Variants in DTHD1 observed in about 807,000 individuals in gnomAD.
DTHD1 encodes the protein death domain containing 1.
A neutral mutation model predicts 74.8 loss-of-function variants in DTHD1; 59 were observed. The ratio of observed to expected loss-of-function variants is 0.79; its 90% CI spans 0.64 to 0.98. The LOEUF (loss-of-function observed/expected upper bound fraction) is 0.98. DTHD1 is among the 50% of genes least tolerant of loss of function. The pLI is 0.00. For missense variants in DTHD1, 1,051 were observed against 1,065.4 expected, an observed-to-expected ratio of 0.99 and a Z score of 0.19; for synonymous variants, 365 against 371.1, an observed-to-expected ratio of 0.98 and a Z score of 0.19.
rs970581398 is a variant in DTHD1, at chr4:36,284,037, A to C, written c.333A>C (p.Ala111=). ...KITEHLGSTA[A]LLKKEEKEIC... ...CTGAACATTTGGGGAGCACTGCTGCACTTCTAAAGAAAGAAGAAAAGGAGA... is the reference window on the plus strand; with the variant it reads ...CTGAACATTTGGGGAGCACTGCTGCCCTTCTAAAGAAAGAAGAAAAGGAGA... Residue 111 remains alanine (A), a synonymous_variant, in exon 2 of 10, where the codon GCA becomes GCC. Coordinates refer to ENST00000639862, the MANE Select transcript of DTHD1 (RefSeq NM_001170700.3). 4.6e-6 allele frequency: 7 copies of C among 1,537,198 alleles called. No homozygotes were observed. The highest frequency in any genetic ancestry group is 4.4e-6 in the Non-Finnish European group (5 of 1,146,862).
In DTHD1 at chr4:36,344,925, T is replaced by TA. The variant is rs1759513558; in HGVS notation, c.*1108dup. 6.6e-6 allele frequency: 1 copy of TA among 152,120 alleles called. No individual in the cohort carries two copies. The highest frequency in any genetic ancestry group is 2.4e-5 in the African/African-American group (1 of 41,438). The allele number at this position is 152,120 out of a possible 1,614,324, so 9.4% of individuals were successfully genotyped here. ...TGATGTCGGTGGTAGTAACTCACTT[T>TA]AAAAAAACCTTTCTAAGCTCGAAAT... On this transcript the variant is annotated 3_prime_UTR_variant, in exon 10 of 10. Coordinates refer to ENST00000639862, the MANE Select transcript of DTHD1 (RefSeq NM_001170700.3).
At chr4:36,298,670 GT>G (rs1161084747) in intron 5 of DTHD1, among the ~76,000 whole-genome samples, 2 of 152,158 alleles carry the variant, frequency 1.3e-5, no homozygotes, top group Admixed American at 1.3e-4. Context: ...TGAAAGGTCT[GT>G]ATTGTGTTAT....
intron 8 of DTHD1, among the ~76,000 whole-genome samples, chr4:36,337,224 G>C (rs868243989): frequency 9.9e-5 from 15 of 152,096 alleles, no homozygotes; most frequent in Admixed American, 2.6e-4. Context: ...AGGCAACGTA[G>C]AAAATCCTTT....
In DTHD1 at chr4:36,340,928, A is replaced by G. The variant is rs746797461; in HGVS notation, c.2398+1759A>G. Among the ~76,000 whole-genome samples, 8 of 152,114 alleles carry G rather than the reference A, an allele frequency of 5.3e-5. No individual in the cohort carries two copies. The South Asian group carries it at 6.2e-4, about 12-fold the overall frequency. On this transcript the variant is annotated intron_variant, in intron 9 of 9. Coordinates refer to ENST00000639862, the MANE Select transcript of DTHD1 (RefSeq NM_001170700.3). ...GAAGGAAGACAGCTGGCAAAGGGCAAGAGAGGAAAGAGGAGAAGCAGGGGA... is the reference window on the plus strand; with the variant it reads ...GAAGGAAGACAGCTGGCAAAGGGCAGGAGAGGAAAGAGGAGAAGCAGGGGA...
chr4:36,320,032 G>A (rs1221008911), intron 8 of DTHD1, among the ~76,000 whole-genome samples: 1 of 152,150 alleles, frequency 6.6e-6, no homozygotes, highest in Non-Finnish European at 1.5e-5. Flanking sequence ...CCTTATCACT[G>A]TAGTTACCAT....
intron 8 of DTHD1, among the ~76,000 whole-genome samples, chr4:36,331,992 G>C (rs1034334588): frequency 6.6e-6 from 1 of 151,970 alleles, no homozygotes; most frequent in Non-Finnish European, 1.5e-5. Context: ...TTAAAAATAC[G>C]GCATTCTGGC....
intron 5 of DTHD1, among the ~76,000 whole-genome samples, chr4:36,298,044 C>A (rs1560792592): frequency 1.3e-5 from 2 of 150,878 alleles, no homozygotes; most frequent in Admixed American, 1.3e-4. Context: ...GAATAAGCCA[C>A]TTTTTTTTTG....
chr4:36,290,613 C>G lies in DTHD1; in HGVS notation c.1128C>G (p.Tyr376Ter). ...IPFTARYRGN[Y>*]RDIMVKVCDI... Reference sequence around the variant, plus strand: ...TTACTGCACGTTACAGAGGAAATTACAGAGATATCATGGTGAAAGTGTGTG... The same window carrying G: ...TTACTGCACGTTACAGAGGAAATTAGAGAGATATCATGGTGAAAGTGTGTG... The change falls in exon 3 of 10, where the codon TAC becomes TAG. Residue 376 changes from tyrosine to a stop codon, truncating the protein, a stop_gained. Transcript: ENST00000639862. LOFTEE classifies it high-confidence loss of function. 2 of 1,550,526 alleles carry G rather than the reference C, an allele frequency of 1.3e-6. No homozygotes were observed. Among genetic ancestry groups the G allele is most frequent in the African/African-American group, 1.4e-5 (1 of 73,150 alleles).
At chr4:36,325,617 A>C (rs1758298068) in intron 8 of DTHD1, among the ~76,000 whole-genome samples, 1 of 152,208 alleles carries the variant, frequency 6.6e-6, no homozygotes, top group Non-Finnish European at 1.5e-5. Context: ...TCAGGATTTG[A>C]GATCAACAGG....
At chr4:36,314,404 GGCT>G (rs1757577745) in intron 7 of DTHD1, among the ~76,000 whole-genome samples, 1 of 151,912 alleles carries the variant, frequency 6.6e-6, no homozygotes, top group African/African-American at 2.4e-5. Flanking sequence ...CAGGTGCGGT[GGCT>G]CATGCCTGTA....
chr4:36,342,065 G>GT (rs1759342234), intron 9 of DTHD1, among the ~76,000 whole-genome samples: 2 of 152,226 alleles, frequency 1.3e-5, no homozygotes, highest in African/African-American at 4.8e-5. Flanking sequence ...TGTCATTGGA[G>GT]TTGACAAAAT....
Position 36,290,570 on chromosome 4 carries a change from T to C in DTHD1, c.1085T>C (p.Ile362Thr), listed in dbSNP as rs777500108. The change falls in exon 3 of 10, where the codon ATA becomes ACA. Residue 362 changes from isoleucine to threonine, a missense_variant. Ile to Thr is a moderately conservative substitution (Grantham distance 89). Coordinates refer to ENST00000639862, the MANE Select transcript of DTHD1 (RefSeq NM_001170700.3). ...AAGGAAAAGAGAGTTCCATTTCCAA[T>C]AGGCATTGCAATTCCATTTACTGCA... Reference protein sequence around the residue: ...SDKEKRVPFPIGIAIPFTARY... With the variant: ...SDKEKRVPFPTGIAIPFTARY... 6.4e-7 allele frequency: 1 copy of C among 1,551,582 alleles called. No homozygotes were observed. The highest frequency in any genetic ancestry group is 8.7e-7 in the Non-Finnish European group (1 of 1,146,992).
intron 8 of DTHD1, among the ~76,000 whole-genome samples, chr4:36,322,449 G>A (rs549646406): frequency 6.6e-6 from 1 of 152,240 alleles, no homozygotes; most frequent in East Asian, 1.9e-4. Context: ...GGGATAGCTA[G>A]GGAAGACCTC....
chr4:36,302,812 A>G (rs1260003628), intron 5 of DTHD1, among the ~76,000 whole-genome samples: 2 of 152,198 alleles, frequency 1.3e-5, no homozygotes, highest in Non-Finnish European at 2.9e-5. Context: ...AATACAGCAC[A>G]CTATTTAAAA....
intron 7 of DTHD1, among the ~76,000 whole-genome samples, chr4:36,312,705 G>A (rs1342442698): frequency 6.6e-6 from 1 of 152,132 alleles, no homozygotes; most frequent in Admixed American, 6.5e-5. Flanking sequence ...TGCCTTGTGT[G>A]TATGAGGAAC....
chr4:36,317,015 A>T (rs1337131783), intron 8 of DTHD1, among the ~76,000 whole-genome samples: 1 of 152,234 alleles, frequency 6.6e-6, no homozygotes, highest in Non-Finnish European at 1.5e-5. Context: ...TGTATATTAC[A>T]GTTTATTTCA....
chr4:36,284,607 G>C lies in DTHD1; in HGVS notation c.887+16G>C. ...TGGAAAAGGAGTAAGTAAATGCAAT[G>C]TGGGAAGTGCTTAAGTATGCCTACT... On this transcript the variant is annotated intron_variant, in intron 2 of 9. Transcript: ENST00000639862. 6.7e-7 allele frequency: 1 copy of C among 1,482,740 alleles called. No homozygotes were observed. Among genetic ancestry groups the C allele is most frequent in the South Asian group, 1.3e-5 (1 of 74,640 alleles). 91.8% of individuals were successfully genotyped at this position (1,482,740 alleles called of 1,614,324 possible).
chr4:36,315,926 G>C (rs550053643), intron 7 of DTHD1: 1 of 164,732 alleles, frequency 6.1e-6, no homozygotes, highest in East Asian at 1.7e-4. Flanking sequence ...GTAACACAAA[G>C]TGGCACATCT....
intron 8 of DTHD1, among the ~76,000 whole-genome samples, chr4:36,330,985 T>G (rs79612439): frequency 1.4e-4 from 22 of 152,196 alleles, no homozygotes; most frequent in African/African-American, 4.3e-4. Flanking sequence ...GAGCTCACAT[T>G]AAGCAAAACT....
Sources: allele counts gnomAD v4.1 joint callset (sites outside exome capture counted in the v4.1 genomes callset), GRCh38; gene constraint gnomAD v4.1.1; transcripts MANE v1.5; gene names NCBI Gene and HGNC (gene_info 2026-07-23, HGNC 2026-07-21).